Variants in GALNT2 observed in about 807,000 individuals in gnomAD.
GALNT2 encodes UDP-GalNAc:polypeptide N-acetylgalactosaminyltransferase 2.
In GALNT2, 31 loss-of-function variants were observed where a neutral mutation model predicts 81.4. The observed-to-expected ratio is 0.38, with a 90% confidence interval of 0.29 to 0.51. GALNT2 has a LOEUF of 0.51. GALNT2 is among the 20% of genes least tolerant of loss of function. The pLI is 0.87. For missense variants in GALNT2, 629 were observed against 765.7 expected, an observed-to-expected ratio of 0.82 and a Z score of 2.11; for synonymous variants, 303 against 287.4, an observed-to-expected ratio of 1.05 and a Z score of -0.55.
chr1:230,105,635 G>T (rs572309525), intron 1 of GALNT2, among the ~76,000 whole-genome samples: 1 of 152,318 alleles, frequency 6.6e-6, no homozygotes, highest in Admixed American at 6.5e-5. Flanking sequence ...GCACGGATGA[G>T]GTGGGAGTTG....
Position 230,061,882 on chromosome 1 carries a change from A to G in GALNT2, n.89+3804A>G, listed in dbSNP as rs1403191286. On this transcript the variant is annotated intron_variant and non_coding_transcript_variant, in intron 1 of 6. Coordinates refer to the GALNT2 transcript ENST00000494106. ...CCAGCAAACCTTCTACACAAGTTCTAAAAGAGCTATAACACTTACATGTAT... is the reference window on the plus strand; with the variant it reads ...CCAGCAAACCTTCTACACAAGTTCTGAAAGAGCTATAACACTTACATGTAT... Among the ~76,000 whole-genome samples the G allele has an allele frequency of 2.0e-5, 3 of 152,240 alleles. No homozygotes were observed. In the East Asian group the frequency reaches 5.8e-4, roughly 29 times the overall value.
At chr1:230,194,918 C>T (rs1433875161) in intron 2 of GALNT2, among the ~76,000 whole-genome samples, 1 of 152,040 alleles carries the variant, frequency 6.6e-6, no homozygotes, top group African/African-American at 2.4e-5. Context: ...TCTGTGGACA[C>T]GAGGGGAGGA....
In GALNT2 at chr1:230,067,374, G is replaced by T; in HGVS notation, c.94G>T (p.Ala32Ser). 1 of 1,305,206 alleles carries T rather than the reference G, an allele frequency of 7.7e-7. No homozygotes were observed. Among genetic ancestry groups the T allele is most frequent in the Non-Finnish European group, 9.8e-7 (1 of 1,020,394 alleles). 80.9% of individuals were successfully genotyped at this position (1,305,206 alleles called of 1,614,324 possible). The change falls in exon 1 of 16, where the codon GCC becomes TCC. Residue 32 changes from alanine (A) to serine (S), a missense_variant. Ala to Ser is a moderately conservative substitution (Grantham distance 99, BLOSUM62 1). This residue lies in a region of GALNT2 where 62 missense variants were observed against 47.3 expected (regional missense o/e 1.31). Transcript: ENST00000366672. The part of the protein sequence containing the change: ...YMYSGGGSAL[A>S]GGAGGGAGRK... ...GTACTCGGGGGGCGGCTCTGCGCTG[G>T]CCGGGGGCGCGGGCGGCGGCGCCGG...
chr1:230,279,940 T>G lies in GALNT2; in HGVS notation c.*482T>G, dbSNP rs1229453553. 2.2e-6 allele frequency: 1 copy of G among 456,590 alleles called. No individual in the cohort carries two copies. Among genetic ancestry groups the G allele is most frequent in the African/African-American group, 2.0e-5 (1 of 50,222 alleles). The allele number at this position is 456,590 out of a possible 1,614,324, so 28.3% of individuals were successfully genotyped here. A position where few individuals can be genotyped will look rare whatever the true frequency, so the allele number is the denominator to read the frequency against. Reference sequence around the variant, plus strand: ...GCCGAGTCGTGTCACGTGGCAGGTTTACGTCAATAGTCCCTCTCTCTGCTC... The same window carrying G: ...GCCGAGTCGTGTCACGTGGCAGGTTGACGTCAATAGTCCCTCTCTCTGCTC... On this transcript the variant is annotated 3_prime_UTR_variant, in exon 16 of 16. Transcript: ENST00000366672. This position sits in a 1 kb window ranked among gnomAD's most constrained non-coding sequence, Gnocchi z 4.6.
rs1226625266 is a variant in GALNT2, at chr1:230,178,249, A to T, written c.158A>T (p.Lys53Met). The T allele has an allele frequency of 6.2e-7, 1 of 1,614,154 alleles. No individual in the cohort carries two copies. Among genetic ancestry groups the T allele is most frequent in the East Asian group, 2.2e-5 (1 of 44,884 alleles). ...EDWNEIDPIKKKDLHHSNGEE... is the reference protein window; with the variant it reads ...EDWNEIDPIKMKDLHHSNGEE... Reference sequence around the variant, plus strand: ...TGGAATGAAATTGACCCCATTAAAAAGAAAGACCTTCATCACAGCAATGGA... The same window carrying T: ...TGGAATGAAATTGACCCCATTAAAATGAAAGACCTTCATCACAGCAATGGA... The change falls in exon 2 of 16, where the codon AAG becomes ATG. Residue 53 changes from lysine (K) to methionine (M), a missense_variant. By Grantham distance (95) the Lys-to-Met change is moderately conservative (BLOSUM62 -1). This residue lies in a region of GALNT2 where 360 missense variants were observed against 492.8 expected (regional missense o/e 0.73). Coordinates refer to ENST00000366672, the MANE Select transcript of GALNT2 (RefSeq NM_004481.5).
chr1:230,147,793 C>T (rs1572019363), intron 1 of GALNT2, among the ~76,000 whole-genome samples: 1 of 152,208 alleles, frequency 6.6e-6, no homozygotes, highest in African/African-American at 2.4e-5. Flanking sequence ...GAGTGAGGGC[C>T]TCAGCTCTGC....
intron 2 of GALNT2, among the ~76,000 whole-genome samples, chr1:230,180,624 G>A (rs971053469): frequency 9.9e-5 from 15 of 152,036 alleles, no homozygotes; most frequent in African/African-American, 3.4e-4. Context: ...GTAAATTTTA[G>A]AATCAGTTTG....
At chr1:230,221,173 CT>C (rs75332951) in intron 3 of GALNT2, among the ~76,000 whole-genome samples, 14,399 of 151,976 alleles carry the variant, frequency 0.095, 1,488 homozygotes, top group African/African-American at 0.25. Context: ...TGCCTGCCTA[CT>C]TTTTTTTCAT....
intron 1 of GALNT2, among the ~76,000 whole-genome samples, chr1:230,164,962 C>G (rs1662556362): frequency 6.6e-6 from 1 of 152,180 alleles, no homozygotes; most frequent in African/African-American, 2.4e-5. Context: ...GTCCCCTGCC[C>G]CATAGGTTCC....
chr1:230,172,578 GCC>G (rs1662828639), intron 1 of GALNT2, among the ~76,000 whole-genome samples: 1 of 152,208 alleles, frequency 6.6e-6, no homozygotes, highest in Non-Finnish European at 1.5e-5. Context: ...ACTGCACAGT[GCC>G]CTGCACGCAT....
chr1:230,241,415 T>C (rs1267735405), intron 6 of GALNT2, among the ~76,000 whole-genome samples: 1 of 151,898 alleles, frequency 6.6e-6, no homozygotes, highest in African/African-American at 2.4e-5. Flanking sequence ...TTTTGTACTT[T>C]GCTAGGATGA....
intron 1 of GALNT2, among the ~76,000 whole-genome samples, chr1:230,117,295 C>T (rs192913683): frequency 1.7e-3 from 265 of 152,370 alleles, no homozygotes; most frequent in African/African-American, 5.9e-3. Flanking sequence ...ATCTTCTATC[C>T]AGACTGCTCA....
chr1:230,186,838 T>A (rs1233461997), intron 2 of GALNT2, among the ~76,000 whole-genome samples: 1 of 152,290 alleles, frequency 6.6e-6, no homozygotes, highest in Non-Finnish European at 1.5e-5. Flanking sequence ...GTCTTTTTAT[T>A]TTGCCAAAGG....
chr1:230,058,849 G>A (rs1658978905), intron 1 of GALNT2, among the ~76,000 whole-genome samples: 1 of 152,192 alleles, frequency 6.6e-6, no homozygotes, highest in Non-Finnish European at 1.5e-5. Flanking sequence ...GGATAGAACT[G>A]TAGTACTTCA....
chr1:230,254,971 C>T (rs41303998), intron 10 of GALNT2, among the ~76,000 whole-genome samples: 6,749 of 152,318 alleles, frequency 0.044, 196 homozygotes, highest in Non-Finnish European at 0.065. Context: ...AATATTTCCC[C>T]GTGAACATTT....
At chr1:230,230,650 G>A (rs1171134311) in intron 3 of GALNT2, among the ~76,000 whole-genome samples, 2 of 152,200 alleles carry the variant, frequency 1.3e-5, no homozygotes, top group Non-Finnish European at 2.9e-5. Context: ...TGCCTGTGGA[G>A]GCTTGGCATT....
chr1:230,139,975 A>C lies in GALNT2; in HGVS notation c.127-38243A>C, dbSNP rs559054933. On this transcript the variant is annotated intron_variant, in intron 1 of 15. Coordinates refer to ENST00000366672, the MANE Select transcript of GALNT2 (RefSeq NM_004481.5). ...GTAGCCCTGGGAGGAAGGGACCATA[A>C]AGATGAATCAGCCCAGCCTTCCTCA... is the stretch of plus-strand genomic sequence containing the variant. 1.3e-3 allele frequency among the ~76,000 whole-genome samples: 194 copies of C among 152,318 alleles called. 1 individual carries two copies. The highest frequency in any genetic ancestry group is 2.4e-3 in the Non-Finnish European group (164 of 68,018).
intron 1 of GALNT2, among the ~76,000 whole-genome samples, chr1:230,136,245 G>T (rs561280751): frequency 1.3e-5 from 2 of 152,168 alleles, no homozygotes; most frequent in Admixed American, 6.5e-5. Flanking sequence ...GAACCTGCAC[G>T]CATTGTTTTA....
intron 3 of GALNT2, among the ~76,000 whole-genome samples, chr1:230,222,031 C>CTTTTTTTTTTTTTTTTTTTTGTTT (rs564681409): frequency 1.0e-5 from 1 of 96,120 alleles, no homozygotes; most frequent in Non-Finnish European, 1.9e-5. Context: ...CTGCTTTTCT[C>CTTTTTTTTTTTTTTTTTTTTGTTT]TTTTTTTTTT....
Sources: allele counts gnomAD v4.1 joint callset (sites outside exome capture counted in the v4.1 genomes callset), GRCh38; gene constraint gnomAD v4.1.1; regional missense constraint gnomAD v4.1.1; non-coding constraint Gnocchi (gnomAD v3.1); transcripts MANE v1.5; gene names NCBI Gene and HGNC (gene_info 2026-07-23, HGNC 2026-07-21).